Variants in MAPK4 observed in about 807,000 individuals in gnomAD.
MAPK4 encodes mitogen-activated protein kinase 4.
Under a neutral mutation model 47.7 loss-of-function variants are expected in MAPK4, and 22 were observed. That is an observed-to-expected ratio of 0.46 (90% CI 0.33 to 0.66). MAPK4 has a LOEUF of 0.66. MAPK4 is among the 30% of genes least tolerant of loss of function. MAPK4 has a pLI of 0.02. For missense variants in MAPK4, 736 were observed against 831.7 expected, an observed-to-expected ratio of 0.88 and a Z score of 1.42; for synonymous variants, 390 against 365.7, an observed-to-expected ratio of 1.07 and a Z score of -0.76.
chr18:50,611,080 A>T (rs1235660223), intron 1 of MAPK4, among the ~76,000 whole-genome samples: 1 of 152,178 alleles, frequency 6.6e-6, no homozygotes. Flanking sequence ...GAATGAACTG[A>T]CAGTCTTCTT....
intron 1 of MAPK4, chr18:50,629,828 T>A (rs566153782): frequency 6.6e-6 from 1 of 152,292 alleles, no homozygotes; most frequent in South Asian, 2.1e-4. Flanking sequence ...CAGGCTCTGT[T>A]CCAAGCCATT....
intron 1 of MAPK4, among the ~76,000 whole-genome samples, chr18:50,647,287 G>A (rs1376827048): frequency 6.6e-6 from 1 of 152,228 alleles, no homozygotes; most frequent in Non-Finnish European, 1.5e-5. Flanking sequence ...TTCGTAAGGA[G>A]AATTTATTGA....
intron 3 of MAPK4, among the ~76,000 whole-genome samples, chr18:50,719,956 C>T (rs1243674051): frequency 1.3e-5 from 2 of 152,186 alleles, no homozygotes; most frequent in African/African-American, 2.4e-5. Context: ...ACACCTTCCC[C>T]GGAAGTCCTT....
At chr18:50,661,986 C>T (rs927390915) in intron 1 of MAPK4, among the ~76,000 whole-genome samples, 16 of 152,182 alleles carry the variant, frequency 1.1e-4, no homozygotes, top group African/African-American at 7.2e-5. Context: ...TCTTTACAGG[C>T]GATCTGATTG....
chr18:50,660,894 C>A (rs1301786314), intron 1 of MAPK4, among the ~76,000 whole-genome samples: 2 of 152,200 alleles, frequency 1.3e-5, no homozygotes, highest in African/African-American at 4.8e-5. Flanking sequence ...AAGCTGACAG[C>A]ATATTGGGAA....
intron 1 of MAPK4, among the ~76,000 whole-genome samples, chr18:50,596,199 G>A (rs1323555697): frequency 6.6e-6 from 1 of 152,198 alleles, no homozygotes; most frequent in Non-Finnish European, 1.5e-5. Context: ...GAGGTACAGT[G>A]AGGTTAAATG....
intron 1 of MAPK4, among the ~76,000 whole-genome samples, chr18:50,576,328 T>C (rs1200263162): frequency 6.6e-6 from 1 of 152,222 alleles, no homozygotes; most frequent in Non-Finnish European, 1.5e-5. Flanking sequence ...AAGGAGATCA[T>C]GTCCTTTGCA....
intron 2 of MAPK4, among the ~76,000 whole-genome samples, chr18:50,713,205 G>A (rs772042731): frequency 6.6e-6 from 1 of 152,180 alleles, no homozygotes; most frequent in Non-Finnish European, 1.5e-5. Context: ...ACATGACTAT[G>A]CTTTTGTCAA....
intron 1 of MAPK4, among the ~76,000 whole-genome samples, chr18:50,610,495 T>C (rs2042623554): frequency 6.6e-6 from 1 of 152,218 alleles, no homozygotes. Context: ...CATCACTGGG[T>C]GAGCTGCAGG....
At chr18:50,686,223 T>C (rs1054234735) in intron 2 of MAPK4, among the ~76,000 whole-genome samples, 3 of 152,212 alleles carry the variant, frequency 2.0e-5, no homozygotes, top group African/African-American at 7.2e-5. Flanking sequence ...CTTCTGCCTA[T>C]AGCCTTGCAC....
chr18:50,565,208 T>C (rs1486283617), intron 1 of MAPK4, among the ~76,000 whole-genome samples: 2 of 152,214 alleles, frequency 1.3e-5, no homozygotes, highest in Non-Finnish European at 2.9e-5. Context: ...GGGTGACCTA[T>C]ACTTCTGTTA....
chr18:50,674,157 C>T (rs1377074517), intron 2 of MAPK4, among the ~76,000 whole-genome samples: 1 of 152,302 alleles, frequency 6.6e-6, no homozygotes, highest in East Asian at 1.9e-4. Context: ...GTGTAAAGGA[C>T]CCGACCTTCA....
At position 50,731,304 on chromosome 18, in the gene MAPK4, A is replaced by G. The variant is rs900346713; in HGVS notation, c.*1450A>G. 6.6e-6 allele frequency: 1 copy of G among 152,254 alleles called. No homozygotes were observed. The highest frequency in any genetic ancestry group is 6.5e-5 in the Admixed American group (1 of 15,280). The allele number at this position is 152,254 out of a possible 1,614,324, so 9.4% of individuals were successfully genotyped here. A position where few individuals can be genotyped will look rare whatever the true frequency, so the allele number is the denominator to read the frequency against. On this transcript the variant is annotated 3_prime_UTR_variant, in exon 6 of 6. Coordinates refer to ENST00000400384, the MANE Select transcript of MAPK4 (RefSeq NM_002747.4). ...TGGGGTGGGGACACTGACAGCCCCT[A>G]TCTGGTCCCCAGGAACATTCTACCA... is the stretch of plus-strand genomic sequence containing the variant.
chr18:50,662,013 A>T (rs2043177431), intron 1 of MAPK4, among the ~76,000 whole-genome samples: 1 of 152,258 alleles, frequency 6.6e-6, no homozygotes, highest in Admixed American at 6.5e-5. Flanking sequence ...ATTTCAGATC[A>T]TCTGTGTCCC....
chr18:50,567,428 T>C (rs970440841), intron 1 of MAPK4, among the ~76,000 whole-genome samples: 2 of 152,254 alleles, frequency 1.3e-5, no homozygotes, highest in African/African-American at 4.8e-5. Context: ...TGTCATTGCA[T>C]GAGCAACTTT....
chr18:50,690,921 C>A (rs1360334246), intron 2 of MAPK4, among the ~76,000 whole-genome samples: 1 of 151,938 alleles, frequency 6.6e-6, no homozygotes, highest in Non-Finnish European at 1.5e-5. Context: ...ATGGCAGGTA[C>A]CAAAGAGGTG....
chr18:50,579,546 GT>G (rs1380987255), intron 1 of MAPK4, among the ~76,000 whole-genome samples: 1 of 152,154 alleles, frequency 6.6e-6, no homozygotes. Flanking sequence ...TTCTCTGCCT[GT>G]TCTGTTTTCT....
intron 1 of MAPK4, among the ~76,000 whole-genome samples, chr18:50,581,414 C>T (rs560908323): frequency 8.5e-5 from 13 of 152,282 alleles, no homozygotes; most frequent in Admixed American, 3.9e-4. Flanking sequence ...GCTTATCACA[C>T]GGCAGCTGCC....
Position 50,726,175 on chromosome 18 carries a change from G to C in MAPK4, c.1067G>C (p.Arg356Thr). 2 of 1,613,734 alleles carry C rather than the reference G, an allele frequency of 1.2e-6. No individual in the cohort carries two copies. The highest frequency in any genetic ancestry group is 1.7e-6 in the Non-Finnish European group (2 of 1,179,994). The change falls in exon 5 of 6, where the codon AGG becomes ACG. Residue 356 changes from arginine to threonine, a missense_variant and splice_region_variant. Coordinates refer to ENST00000400384, the MANE Select transcript of MAPK4 (RefSeq NM_002747.4). ...TCCAACTGGGACACGTGCAGTTCCAGGTGCTCGCAGCCCTGGGTTCCAGAG... is the reference window on the plus strand; with the variant it reads ...TCCAACTGGGACACGTGCAGTTCCACGTGCTCGCAGCCCTGGGTTCCAGAG... ...QLSNWDTCSS[R>T]YPVSLSSDLE...
Sources: gnomAD v4.1 joint callset for allele counts (sites outside exome capture counted in the v4.1 genomes callset) on GRCh38, gnomAD v4.1.1 for gene constraint, MANE v1.5 for transcripts, NCBI Gene and HGNC (gene_info 2026-07-23, HGNC 2026-07-21) for gene names.